Variants in JCAD observed in about 807,000 individuals in gnomAD.
JCAD encodes the protein junctional cadherin 5-associated protein.
JCAD carries 40 observed loss-of-function variants against 98.0 expected under a neutral mutation model. The ratio of observed to expected loss-of-function variants is 0.41; its 90% CI spans 0.32 to 0.53. The LOEUF is 0.53. Ranked by LOEUF, JCAD falls within the 20% of genes least tolerant of loss-of-function variation. The pLI, the probability that JCAD is intolerant of heterozygous loss-of-function variation, is 0.31. For synonymous variants in JCAD, 691 were observed against 682.3 expected (o/e 1.01, Z -0.20); for missense variants, 1,705 against 1,738.1 (o/e 0.98, Z 0.34).
At chr10:30,070,510 G>C (rs1043744491) in intron 1 of JCAD, among the ~76,000 whole-genome samples, 2 of 152,150 alleles carry the variant, frequency 1.3e-5, no homozygotes, top group African/African-American at 4.8e-5. Flanking sequence ...TTTAGTTTTC[G>C]CAAATTAGTG....
rs1206799108 is a variant in JCAD, at chr10:30,026,811, C to T, written c.3337G>A (p.Glu1113Lys). The T allele has an allele frequency of 6.2e-7, 1 of 1,614,074 alleles. No homozygotes were observed. The highest frequency in any genetic ancestry group is 1.1e-5 in the South Asian group (1 of 91,092). ...GGGGTGCAGGCACTTGCATCGGGCT[C>T]AGCAGGCTGGTTCTGTCCCGCTCTC... ...IRRAGQNQPA[E>K]PDASACTPES... The change falls in exon 3 of 4, where the codon GAG (glutamate) becomes AAG (lysine). Residue 1113 changes from glutamate to lysine, a missense_variant. Around this residue, in one of 3 missense-constraint regions of JCAD, gnomAD observed 1,278 missense variants for 1,243.1 expected, o/e 1.03. Coordinates refer to ENST00000375377, the MANE Select transcript of JCAD (RefSeq NM_020848.4).
intron 2 of JCAD, among the ~76,000 whole-genome samples, chr10:30,067,318 C>CT (rs1170335016): frequency 6.6e-6 from 1 of 151,716 alleles, no homozygotes; most frequent in East Asian, 1.9e-4. Context: ...TGAGAACTAC[C>CT]TTTTTTCTGT....
chr10:30,054,409 A>G (rs983973606), intron 1 of JCAD, among the ~76,000 whole-genome samples: 1 of 152,066 alleles, frequency 6.6e-6, no homozygotes, highest in African/African-American at 2.4e-5. Flanking sequence ...GGTCAAAAAT[A>G]GTCAAATATT....
intron 1 of JCAD, among the ~76,000 whole-genome samples, chr10:30,087,723 A>G (rs1002662006): frequency 3.3e-5 from 5 of 152,226 alleles, no homozygotes; most frequent in Admixed American, 6.5e-5. Context: ...CAATTGCCCA[A>G]CTCAACTGAT....
chr10:30,047,477 C>T, intron 2 of JCAD, 55 bp downstream of exon 2: 3 of 1,560,808 alleles, frequency 1.9e-6, no homozygotes, highest in South Asian at 2.4e-5. Context: ...CTACACATCA[C>T]CCACCGCCAA....
At chr10:30,090,642 C>T (rs1024701602) in intron 1 of JCAD, among the ~76,000 whole-genome samples, 8 of 152,032 alleles carry the variant, frequency 5.3e-5, no homozygotes, top group African/African-American at 1.9e-4. Context: ...CTCCTAAATC[C>T]CTTCCCATAT....
chr10:30,059,593 C>A (rs1212754938), upstream of JCAD: 1 of 151,968 alleles, frequency 6.6e-6, no homozygotes, highest in Non-Finnish European at 1.5e-5. This position sits in a 1 kb window ranked among gnomAD's most constrained non-coding sequence, Gnocchi z 5.0. Context: ...GCCCGGAGAA[C>A]CGCCGTCCGC....
At chr10:30,055,937 C>T (rs569580951) in intron 1 of JCAD, among the ~76,000 whole-genome samples, 43 of 151,746 alleles carry the variant, frequency 2.8e-4, no homozygotes, top group African/African-American at 8.9e-4. Flanking sequence ...TGAACACACA[C>T]ACATGCACTT....
intron 2 of JCAD, among the ~76,000 whole-genome samples, chr10:30,065,187 T>C (rs11815829): frequency 1.1e-3 from 160 of 152,304 alleles, no homozygotes; most frequent in African/African-American, 3.7e-3. Flanking sequence ...ATTTGATATA[T>C]CAGTACGGTG....
chr10:30,051,508 G>A (rs1214154745), intron 1 of JCAD, among the ~76,000 whole-genome samples: 1 of 152,034 alleles, frequency 6.6e-6, no homozygotes, highest in Non-Finnish European at 1.5e-5. Flanking sequence ...AAACTGAAAT[G>A]TATACAAACG....
At chr10:30,078,841 G>A (rs1423072488) in intron 1 of JCAD, among the ~76,000 whole-genome samples, 2 of 152,194 alleles carry the variant, frequency 1.3e-5, no homozygotes, top group Non-Finnish European at 1.5e-5. Context: ...GAGAAATGTT[G>A]TGGCTGGCGT....
intron 1 of JCAD, among the ~76,000 whole-genome samples, chr10:30,079,670 C>T (rs889237342): frequency 6.6e-6 from 1 of 152,252 alleles, no homozygotes; most frequent in Non-Finnish European, 1.5e-5. Flanking sequence ...CGTGGCCACT[C>T]CTACTGAAAG....
chr10:30,028,813 G>A lies in JCAD; in HGVS notation c.1335C>T (p.Asp445=). The part of the protein sequence containing the change: ...KLAQPQGFCE[D]IKLDDKSYNS... ...TATATGATTTATCGTCAAGCTTTAT[G>A]TCTTCACAGAAACCCTGGGGCTGAG... The change falls in exon 3 of 4, where the codon GAC becomes GAT. Residue 445 remains aspartate (D), a synonymous_variant. Transcript: ENST00000375377. The A allele has an allele frequency of 6.2e-7, 1 of 1,614,242 alleles. No homozygotes were observed. The highest frequency in any genetic ancestry group is 8.5e-7 in the Non-Finnish European group (1 of 1,180,046).
intron 3 of JCAD, among the ~76,000 whole-genome samples, chr10:30,021,564 T>C (rs1836660394): frequency 6.6e-6 from 1 of 152,240 alleles, no homozygotes; most frequent in Non-Finnish European, 1.5e-5. Flanking sequence ...ATTTTAATAC[T>C]GTATTTCACC....
intron 2 of JCAD, among the ~76,000 whole-genome samples, chr10:30,041,290 AAG>A (rs1321880256): frequency 6.6e-6 from 1 of 152,164 alleles, no homozygotes; most frequent in Non-Finnish European, 1.5e-5. Context: ...GCCCTCAAGA[AAG>A]AGAGGCTTTG....
upstream of JCAD, among the ~76,000 whole-genome samples, chr10:30,063,460 G>C (rs1650544924): frequency 1.3e-5 from 2 of 152,156 alleles, no homozygotes. Context: ...CCTGTTCAAG[G>C]ACCTAGAGCA....
Position 30,027,937 on chromosome 10 carries a change from A to G in JCAD, c.2211T>C (p.Pro737=), listed in dbSNP as rs748679167. Residue 737 remains proline, a synonymous_variant, in exon 3 of 4, where the codon CCT becomes CCC. Coordinates refer to ENST00000375377, the MANE Select transcript of JCAD (RefSeq NM_020848.4). ...ASEAQTHTAF[P]TGDHKQRPSA... Reference sequence around the variant, plus strand: ...TTGGCCTCTGTTTGTGATCACCGGTAGGGAATGCTGTGTGCGTCTGAGCTT... The same window carrying G: ...TTGGCCTCTGTTTGTGATCACCGGTGGGGAATGCTGTGTGCGTCTGAGCTT... 6.2e-7 allele frequency: 1 copy of G among 1,614,206 alleles called. No individual in the cohort carries two copies. Among genetic ancestry groups the G allele is most frequent in the South Asian group, 1.1e-5 (1 of 91,088 alleles).
chr10:30,051,283 C>T (rs769567866), intron 1 of JCAD, among the ~76,000 whole-genome samples: 7 of 101,680 alleles, frequency 6.9e-5, no homozygotes, highest in East Asian at 2.2e-4. Flanking sequence ...CACACACGCA[C>T]GCACACACAC....
chr10:30,059,656 C>A (rs1004345130), upstream of JCAD: 1 of 152,506 alleles, frequency 6.6e-6, no homozygotes, highest in Non-Finnish European at 1.5e-5. This position sits in a 1 kb window ranked among gnomAD's most constrained non-coding sequence, Gnocchi z 5.0. Flanking sequence ...GCCTCCTCTG[C>A]GCTGAGGGCG....
Sources: allele counts gnomAD v4.1 joint callset (sites outside exome capture counted in the v4.1 genomes callset), GRCh38; gene constraint gnomAD v4.1.1; regional missense constraint gnomAD v4.1.1; non-coding constraint Gnocchi (gnomAD v3.1); transcripts MANE v1.5; gene names NCBI Gene and HGNC (gene_info 2026-07-23, HGNC 2026-07-21).